Variants in ROS1 observed in about 807,000 individuals in gnomAD.
ROS1 encodes the protein proto-oncogene tyrosine-protein kinase ROS.
Under a neutral mutation model 273.5 loss-of-function variants are expected in ROS1, and 263 were observed. The observed-to-expected ratio is 0.96, with a 90% confidence interval of 0.87 to 1.06. ROS1 has a LOEUF of 1.06. Among genes scored for constraint, ROS1 ranks in the 50% least tolerant of loss-of-function variants. ROS1 has a pLI of 0.00. For missense variants in ROS1, 2,833 were observed against 2,751.1 expected, an observed-to-expected ratio of 1.03 and a Z score of -0.67; for synonymous variants, 1,008 against 954.1, an observed-to-expected ratio of 1.06 and a Z score of -1.04.
intron 21 of ROS1, among the ~76,000 whole-genome samples, chr6:117,363,721 G>A (rs568206607): frequency 1.3e-5 from 2 of 152,234 alleles, no homozygotes; most frequent in East Asian, 3.9e-4. Flanking sequence ...AAATGCCTGA[G>A]GCAGCTTGAT....
rs769543543 is a variant in ROS1, at chr6:117,329,315, G to A, written c.5348+14C>T. ...GTTCTTTGTCATTTACAAGTACTTT[G>A]CAAACACACATACCTTATCTCAAGG... On this transcript the variant is annotated intron_variant, in intron 33 of 43. Coordinates refer to ENST00000368507, the MANE Select transcript of ROS1 (RefSeq NM_001378902.1). 1.7e-6 allele frequency: 2 copies of A among 1,161,718 alleles called. No individual in the cohort carries two copies. Among genetic ancestry groups the A allele is most frequent in the African/African-American group, 3.1e-5 (2 of 64,800 alleles). The allele number at this position is 1,161,718 out of a possible 1,614,324, so 72.0% of individuals were successfully genotyped here.
At chr6:117,400,996 G>T (rs917750019) in intron 7 of ROS1, among the ~76,000 whole-genome samples, 4 of 152,230 alleles carry the variant, frequency 2.6e-5, no homozygotes, top group Admixed American at 2.0e-4. Context: ...TTTTATCTAG[G>T]AAAGCCACTC....
intron 1 of ROS1, among the ~76,000 whole-genome samples, chr6:117,423,394 C>T (rs1306867432): frequency 2.0e-5 from 3 of 152,114 alleles, no homozygotes; most frequent in Non-Finnish European, 4.4e-5. Flanking sequence ...TGTGAATCTA[C>T]AAAAAGAGGG....
intron 40 of ROS1, among the ~76,000 whole-genome samples, chr6:117,310,545 C>T (rs1002460783): frequency 6.6e-6 from 1 of 151,960 alleles, no homozygotes; most frequent in Admixed American, 6.6e-5. Context: ...CCTTCCCTTG[C>T]CCCCAACCCC....
chr6:117,338,517 G>C (rs1349031860), intron 31 of ROS1, among the ~76,000 whole-genome samples: 1 of 145,730 alleles, frequency 6.9e-6, no homozygotes, highest in Admixed American at 7.1e-5. Context: ...GAACCTCAGA[G>C]AGAGAGAAAT....
At chr6:117,335,949 T>A (rs1033723831) in intron 32 of ROS1, among the ~76,000 whole-genome samples, 36 of 152,018 alleles carry the variant, frequency 2.4e-4, no homozygotes, top group Non-Finnish European at 3.4e-4. Context: ...ATGTATCTTA[T>A]TTTTTAAGAA....
At position 117,341,177 on chromosome 6, in the gene ROS1, T is replaced by C. The variant is rs1264955070; in HGVS notation, c.5019A>G (p.Pro1673=). 1.2e-6 allele frequency: 2 copies of C among 1,613,180 alleles called. No homozygotes were observed. Among genetic ancestry groups the C allele is most frequent in the Non-Finnish European group, 1.7e-6 (2 of 1,179,512 alleles). Reference sequence around the variant, plus strand: ...AAAATCTGATGAGGTTAACATTCAATGGAGCCTTCCAATTAAATTGCAAAC... The same window carrying C: ...AAAATCTGATGAGGTTAACATTCAACGGAGCCTTCCAATTAAATTGCAAAC... ...NTSLQFNWKA[P]LNVNLIRFWV... is the part of the protein sequence containing the mutation. The change falls in exon 31 of 44, where the codon CCA becomes CCG. Residue 1673 remains proline, a synonymous_variant. Coordinates refer to ENST00000368507, the MANE Select transcript of ROS1 (RefSeq NM_001378902.1).
At chr6:117,412,028 T>C (rs9385012) in intron 4 of ROS1, among the ~76,000 whole-genome samples, 81,424 of 151,882 alleles carry the variant, frequency 0.54, 22,526 homozygotes, top group African/African-American at 0.67. Flanking sequence ...TTGCAGAGAT[T>C]TGGGCAAAAG....
At chr6:117,351,604 C>T (rs1671011323) in intron 27 of ROS1, among the ~76,000 whole-genome samples, 1 of 152,204 alleles carries the variant, frequency 6.6e-6, no homozygotes, top group African/African-American at 2.4e-5. Context: ...ACCACTAACA[C>T]TGCTTTCTAA....
chr6:117,404,314 T>C lies in ROS1; in HGVS notation c.431A>G (p.Tyr144Cys). ...SGVKYIIQWKYAQLLGSWTYT... is the reference protein window; with the variant it reads ...SGVKYIIQWKCAQLLGSWTYT... ...AGTCCAGCTTCCCAGAAGTTGTGCA[T>C]ATTTCCACTGAATGATGTATTTTAC... is the stretch of plus-strand genomic sequence containing the variant. Residue 144 changes from tyrosine to cysteine, a missense_variant, in exon 6 of 44, where the codon TAT becomes TGT. Physicochemically the swap from Tyr to Cys is radical, Grantham distance 194 (BLOSUM62 -2). Transcript: ENST00000368507. 1 of 1,614,066 alleles carries C rather than the reference T, an allele frequency of 6.2e-7. No homozygotes were observed. Among genetic ancestry groups the C allele is most frequent in the Non-Finnish European group, 8.5e-7 (1 of 1,179,936 alleles).
intron 5 of ROS1, among the ~76,000 whole-genome samples, chr6:117,404,785 A>C (rs968403884): frequency 6.6e-6 from 1 of 152,212 alleles, no homozygotes; most frequent in East Asian, 1.9e-4. Context: ...CTGTGGCACA[A>C]CAGAACCATC....
chr6:117,411,416 A>G (rs1450597424), intron 4 of ROS1, among the ~76,000 whole-genome samples: 1 of 152,086 alleles, frequency 6.6e-6, no homozygotes, highest in Admixed American at 6.6e-5. Context: ...GATTTAAGGA[A>G]TTTACAGAAT....
Position 117,404,439 on chromosome 6 carries a change from AACAAGATT to A in ROS1, c.317-19_317-12del. 6.2e-7 allele frequency: 1 copy of A among 1,612,208 alleles called. No individual in the cohort carries two copies. On this transcript the variant is annotated splice_polypyrimidine_tract_variant and intron_variant, in intron 5 of 43. Transcript: ENST00000368507. ...GTAGGTCTGCATTTTCTGGGGAAAA[AACAAGATT>A]TCACTCACCACGCACTCCTGTCCAT...
intron 32 of ROS1, among the ~76,000 whole-genome samples, chr6:117,334,414 T>C (rs1777315267): frequency 6.6e-6 from 1 of 152,210 alleles, no homozygotes; most frequent in South Asian, 2.1e-4. Flanking sequence ...AAAATGGCCA[T>C]TCTGCCCAGA....
rs750134548 is a variant in ROS1 at position 117,394,713 on chromosome 6, A to G, written c.909T>C (p.Phe303=). The part of the protein sequence containing the change: ...SAVQQEEQWL[F]LSRKTSLRKR... ...TTCTTAGAGAAGTTTTTCTGGATAAAAAGAGCCACTGTTCCTCTTGTTGAA... is the reference window on the plus strand; with the variant it reads ...TTCTTAGAGAAGTTTTTCTGGATAAGAAGAGCCACTGTTCCTCTTGTTGAA... Residue 303 remains phenylalanine (F), a synonymous_variant, in exon 10 of 44, where the codon TTT becomes TTC. Transcript: ENST00000368507. The G allele has an allele frequency of 6.2e-7, 1 of 1,611,400 alleles. No homozygotes were observed. The highest frequency in any genetic ancestry group is 8.5e-7 in the Non-Finnish European group (1 of 1,178,916).
chr6:117,328,771 G>C (rs141122583), intron 33 of ROS1: 2 of 613,654 alleles, frequency 3.3e-6, no homozygotes, highest in African/African-American at 1.8e-5. Context: ...GTCTGAGGCT[G>C]TTCATCAGTG....
At chr6:117,341,729 T>C (rs1489544874) in intron 29 of ROS1, 97 bp from the exon 30 acceptor site, 1 of 829,528 alleles carries the variant, frequency 1.2e-6, no homozygotes, top group Non-Finnish European at 1.9e-6. Context: ...TCATGTGGTA[T>C]GAGCAGAATA....
chr6:117,294,745 A>G (rs949514115), intron 43 of ROS1, among the ~76,000 whole-genome samples: 17 of 152,148 alleles, frequency 1.1e-4, no homozygotes, highest in African/African-American at 3.9e-4. Context: ...CTAGGAATAT[A>G]TTAACCAAGG....
intron 27 of ROS1, among the ~76,000 whole-genome samples, chr6:117,347,121 A>C (rs1778441492): frequency 6.6e-6 from 1 of 152,070 alleles, no homozygotes; most frequent in African/African-American, 2.4e-5. Flanking sequence ...TGGGATTTTC[A>C]TTGGGATTTT....
Sources: gnomAD v4.1 joint callset for allele counts (sites outside exome capture counted in the v4.1 genomes callset) on GRCh38, gnomAD v4.1.1 for gene constraint, MANE v1.5 for transcripts, NCBI Gene and HGNC (gene_info 2026-07-23, HGNC 2026-07-21) for gene names.